UPF1: variants seen among roughly 807,000 people sequenced by gnomAD.
The protein encoded by UPF1 is regulator of nonsense transcripts 1.
In UPF1, 9 loss-of-function variants were observed where a neutral mutation model predicts 129.2. The observed-to-expected ratio is 0.07, with a 90% CI of 0.04 to 0.12. The LOEUF (loss-of-function observed/expected upper bound fraction) is 0.12, where lower values mean the gene tolerates loss of function less well. UPF1 is among the 10% of genes least tolerant of loss of function. The pLI is 1.00. For synonymous variants in UPF1, 649 were observed against 644.9 expected (o/e 1.01, Z -0.10); for missense variants, 788 against 1,525.3 (o/e 0.52, Z 8.05).
intron 1 of UPF1, among the ~76,000 whole-genome samples, chr19:18,835,135 C>G (rs2055470031): frequency 6.6e-6 from 1 of 152,184 alleles, no homozygotes; most frequent in African/African-American, 2.4e-5. Flanking sequence ...AACCACTCAC[C>G]TGCTTTCTGT....
At chr19:18,843,520 T>TTG (rs2055563758) in intron 1 of UPF1, among the ~76,000 whole-genome samples, 1 of 145,468 alleles carries the variant, frequency 6.9e-6, no homozygotes, top group Admixed American at 6.8e-5. Flanking sequence ...CTTTCTTTGT[T>TTG]TTTTTTTTTT....
At chr19:18,854,507 T>A in intron 8 of UPF1, 94 bp from the exon 9 acceptor site, 1 of 1,025,010 alleles carries the variant, frequency 9.8e-7, no homozygotes, top group Non-Finnish European at 1.5e-6. Flanking sequence ...AGTAACTAAA[T>A]TTTAAAAACG....
In UPF1 at chr19:18,850,917, G is replaced by T. The variant is rs1444734916; in HGVS notation, c.810+49G>T. On this transcript the variant is annotated intron_variant, in intron 5 of 23. Coordinates refer to ENST00000262803, the MANE Select transcript of UPF1 (RefSeq NM_002911.4). The surrounding 1 kb of genome is among the most constrained non-coding windows in gnomAD (Gnocchi z 7.1). The stretch of plus-strand genomic sequence containing the variant: ...CCGTGCCTTCGTGTGGTTTCTGGTT[G>T]CGGGGAGGGGAGTGTCTTCAGAGAC... 1.4e-6 allele frequency: 2 copies of T among 1,478,080 alleles called. No homozygotes were observed. Among genetic ancestry groups the T allele is most frequent in the South Asian group, 1.4e-5 (1 of 73,100 alleles). 91.6% of individuals were successfully genotyped at this position (1,478,080 alleles called of 1,614,324 possible).
Position 18,856,913 on chromosome 19 carries a change from G to A in UPF1, c.1861G>A (p.Gly621Ser). 6.2e-6 allele frequency: 10 copies of A among 1,612,174 alleles called. No homozygotes were observed. The highest frequency in any genetic ancestry group is 8.5e-6 in the Non-Finnish European group (10 of 1,179,970). Reference protein sequence around the residue: ...DVICCTCVGAGDPRLAKMQFR... With the variant: ...DVICCTCVGASDPRLAKMQFR... ...CATCTGCTGCACATGTGTGGGCGCC[G>A]GTGACCCGAGGCTGGCCAAGATGCA... Residue 621 changes from glycine (G) to serine (S), a missense_variant, in exon 14 of 24, where the codon GGT becomes AGT. Physicochemically the swap from Gly to Ser is moderately conservative, Grantham distance 56. Coordinates refer to ENST00000262803, the MANE Select transcript of UPF1 (RefSeq NM_002911.4).
Position 18,866,811 on chromosome 19 carries a change from A to C in UPF1, c.*294A>C, listed in dbSNP as rs563683327. 19 of 152,720 alleles carry C rather than the reference A, an allele frequency of 1.2e-4. No homozygotes were observed. Among genetic ancestry groups the C allele is most frequent in the African/African-American group, 4.1e-4 (17 of 41,582 alleles). 9.5% of individuals were successfully genotyped at this position (152,720 alleles called of 1,614,324 possible). ...GGCTGCGGCCAGGGCGGAGGGAGGA[A>C]GACCCTCATCTCAGAGTAGCCCTTT... On this transcript the variant is annotated 3_prime_UTR_variant, in exon 24 of 24. Transcript: ENST00000262803.
rs1446521418 is a variant in UPF1 at position 18,855,156 on chromosome 19, A to C, written c.1458A>C (p.Pro486=). 6.2e-7 allele frequency: 1 copy of C among 1,613,762 alleles called. No individual in the cohort carries two copies. The highest frequency in any genetic ancestry group is 1.3e-5 in the African/African-American group (1 of 74,936). Residue 486 remains proline, a synonymous_variant, in exon 11 of 24, where the codon CCA becomes CCC. Transcript: ENST00000262803. ...VYAVKTVLQR[P]LSLIQGPPGT... Reference sequence around the variant, plus strand: ...CCGTGAAGACTGTGCTGCAAAGACCACTGAGCCTGATCCAGGGCCCGCCAG... The same window carrying C: ...CCGTGAAGACTGTGCTGCAAAGACCCCTGAGCCTGATCCAGGGCCCGCCAG...
chr19:18,860,974 C>G lies in UPF1; in HGVS notation c.2449C>G (p.Leu817Val), dbSNP rs1210757396. 1 of 1,581,348 alleles carries G rather than the reference C, an allele frequency of 6.3e-7. No homozygotes were observed. Among genetic ancestry groups the G allele is most frequent in the African/African-American group, 1.3e-5 (1 of 74,232 alleles). ...MQFSGSLHTK[L>V]YQEVEIASVD... ...GTTCAGCGGCTCCCTGCACACCAAG[C>G]TCTACCAGGTGCGCTGCGCCCTCGG... The change falls in exon 17 of 24, where the codon CTC becomes GTC. Residue 817 changes from leucine to valine, a missense_variant. Physicochemically the swap from Leu to Val is conservative, Grantham distance 32. Transcript: ENST00000262803.
Position 18,831,964 on chromosome 19 carries a change from C to T in UPF1, c.-246C>T, listed in dbSNP as rs573187170. ...GCGACGGCGGCGGTGGCGGCAGTTC[C>T]TGCTCTAGGCTGCGAGCGGCTGGCG... On this transcript the variant is annotated 5_prime_UTR_variant, in exon 1 of 24. Coordinates refer to ENST00000262803, the MANE Select transcript of UPF1 (RefSeq NM_002911.4). The T allele has an allele frequency of 1.2e-5, 3 of 253,394 alleles. No individual in the cohort carries two copies. The highest frequency in any genetic ancestry group is 2.2e-5 in the Non-Finnish European group (3 of 133,814). The allele number at this position is 253,394 out of a possible 1,614,324, so 15.7% of individuals were successfully genotyped here.
chr19:18,842,462 A>T (rs1233745242), intron 1 of UPF1, among the ~76,000 whole-genome samples: 2 of 151,534 alleles, frequency 1.3e-5, no homozygotes, highest in African/African-American at 4.9e-5. Context: ...GTGCAGGGGG[A>T]TGTGATGGAG....
intron 18 of UPF1, chr19:18,863,207 T>C: frequency 4.0e-6 from 2 of 496,092 alleles, no homozygotes; most frequent in East Asian, 3.2e-5. Flanking sequence ...CAGCCAGGTG[T>C]CTGCCATGGG....
In UPF1 at chr19:18,850,094, G is replaced by T; in HGVS notation, c.481G>T (p.Val161Leu). 1 of 1,614,234 alleles carries T rather than the reference G, an allele frequency of 6.2e-7. No homozygotes were observed. Among genetic ancestry groups the T allele is most frequent in the Non-Finnish European group, 8.5e-7 (1 of 1,180,040 alleles). Residue 161 changes from valine (V) to leucine (L), a missense_variant, in exon 4 of 24, where the codon GTG becomes TTG. Physicochemically the swap from Val to Leu is conservative, Grantham distance 32. Around this residue, in one of 6 missense-constraint regions of UPF1, gnomAD observed 227 missense variants for 517.9 expected, o/e 0.44. Coordinates refer to ENST00000262803, the MANE Select transcript of UPF1 (RefSeq NM_002911.4). This position sits in a 1 kb window ranked among gnomAD's most constrained non-coding sequence, Gnocchi z 7.1. ...TTTCAGCCACATTGTAAATCACCTT[G>T]TGAGGGCAAAATGCAAAGAGGTGAC... ...TSGSHIVNHL[V>L]RAKCKEVTLH... is the part of the protein sequence containing the mutation.
intron 1 of UPF1, among the ~76,000 whole-genome samples, chr19:18,837,717 A>T (rs1324315212): frequency 6.6e-6 from 1 of 152,096 alleles, no homozygotes; most frequent in Non-Finnish European, 1.5e-5. Context: ...GCTGCTTGGT[A>T]CTGGTCCCAC....
At position 18,866,040 on chromosome 19, in the gene UPF1, T is replaced by G; in HGVS notation, c.3238-4T>G. 6.2e-7 allele frequency: 1 copy of G among 1,613,598 alleles called. No homozygotes were observed. Among genetic ancestry groups the G allele is most frequent in the Non-Finnish European group, 8.5e-7 (1 of 1,179,940 alleles). On this transcript the variant is annotated splice_polypyrimidine_tract_variant and splice_region_variant and intron_variant, in intron 22 of 23. Transcript: ENST00000262803. ...CTTGCTTACCTCCTGACCTTGTCTT[T>G]CAGGACAGTTACCTTGGTGACGAGT...
In UPF1 at chr19:18,850,184, G is replaced by T; in HGVS notation, c.571G>T (p.Val191Phe). The change falls in exon 4 of 24, where the codon GTC becomes TTC. Residue 191 changes from valine to phenylalanine, a missense_variant. Transcript: ENST00000262803. The surrounding 1 kb of genome is among the most constrained non-coding windows in gnomAD (Gnocchi z 7.1). The part of the protein sequence containing the change: ...LECYNCGCRN[V>F]FLLGFIPAKA... The stretch of plus-strand genomic sequence containing the variant: ...GTGCTACAACTGCGGCTGTCGCAAC[G>T]TCTTCCTCCTCGGCTTCATCCCGGC... 6.2e-7 allele frequency: 1 copy of T among 1,613,906 alleles called. No homozygotes were observed. Among genetic ancestry groups the T allele is most frequent in the Non-Finnish European group, 8.5e-7 (1 of 1,179,882 alleles).
Position 18,865,564 on chromosome 19 carries a change from G to C in UPF1, c.3023G>C (p.Arg1008Pro). The change falls in exon 22 of 24, where the codon CGA (arginine) becomes CCA (proline). Residue 1008 changes from arginine to proline, a missense_variant. Transcript: ENST00000262803. This position sits in a 1 kb window ranked among gnomAD's most constrained non-coding sequence, Gnocchi z 6.1. ...ACCCTGGACTGCTGTCTTTCAGGGCGAGGCACCCCGAAAGGCAAGACTGGT... is the reference window on the plus strand; with the variant it reads ...ACCCTGGACTGCTGTCTTTCAGGGCCAGGCACCCCGAAAGGCAAGACTGGT... ...FGQANGPAAG[R>P]GTPKGKTGRG... The C allele has an allele frequency of 6.2e-7, 1 of 1,613,904 alleles. No homozygotes were observed. Among genetic ancestry groups the C allele is most frequent in the Non-Finnish European group, 8.5e-7 (1 of 1,180,026 alleles).
In UPF1 at chr19:18,855,009, C is replaced by T; in HGVS notation, c.1396C>T (p.Gln466Ter). Residue 466 changes from glutamine (Q) to a stop codon, truncating the protein, a stop_gained, in exon 10 of 24, where the codon CAG (glutamine) becomes TAG (stop). Coordinates refer to ENST00000262803, the MANE Select transcript of UPF1 (RefSeq NM_002911.4). LOFTEE classifies it high-confidence loss of function. ...KCQLPKRFTA[Q>*]GLPDLNHSQV... The stretch of plus-strand genomic sequence containing the variant: ...CCAGCTGCCCAAGCGCTTCACGGCG[C>T]AGGGCCTCCCCGACCTCAACCACTC... The T allele has an allele frequency of 6.2e-7, 1 of 1,614,070 alleles. No homozygotes were observed. The highest frequency in any genetic ancestry group is 8.5e-7 in the Non-Finnish European group (1 of 1,180,042).
chr19:18,861,999 C>A lies in UPF1; in HGVS notation c.2458-11C>A. ...CTGCTGGCTGATAGTGACCACAAAG[C>A]TCCCTTCCAGGAGGTGGAGATCGCC... On this transcript the variant is annotated splice_polypyrimidine_tract_variant and intron_variant, in intron 17 of 23. Coordinates refer to ENST00000262803, the MANE Select transcript of UPF1 (RefSeq NM_002911.4). The A allele has an allele frequency of 6.2e-7, 1 of 1,613,608 alleles. No homozygotes were observed. Among genetic ancestry groups the A allele is most frequent in the South Asian group, 1.1e-5 (1 of 91,064 alleles).
Position 18,832,462 on chromosome 19 carries a change from C to A in UPF1, c.231+22C>A. The A allele has an allele frequency of 2.0e-6, 2 of 997,692 alleles. No individual in the cohort carries two copies. The highest frequency in any genetic ancestry group is 4.5e-5 in the South Asian group (1 of 22,100). 61.8% of individuals were successfully genotyped at this position (997,692 alleles called of 1,614,324 possible). Reference sequence around the variant, plus strand: ...GCAGGTGAGCGGCACATGGCGGTGCCGGAAGCCCGGGCCCGGCCTCGGCGC... The same window carrying A: ...GCAGGTGAGCGGCACATGGCGGTGCAGGAAGCCCGGGCCCGGCCTCGGCGC... On this transcript the variant is annotated intron_variant, in intron 1 of 23. Coordinates refer to ENST00000262803, the MANE Select transcript of UPF1 (RefSeq NM_002911.4). The surrounding 1 kb of genome is among the most constrained non-coding windows in gnomAD (Gnocchi z 5.6).
rs767062153 is a variant in UPF1, at chr19:18,852,184, A to G, written c.860A>G (p.Glu287Gly). 37 of 1,613,196 alleles carry G rather than the reference A, an allele frequency of 2.3e-5. No homozygotes were observed. ...GACCTGGAGAAGCCGGGGGTGGACG[A>G]GGAGCCGCAGCATGTCCTCCTGCGG... ...LEDLEKPGVDEEPQHVLLRYE... is the reference protein window; with the variant it reads ...LEDLEKPGVDGEPQHVLLRYE... The change falls in exon 6 of 24, where the codon GAG becomes GGG. Residue 287 changes from glutamate (E) to glycine (G), a missense_variant. Physicochemically the swap from Glu to Gly is moderately conservative, Grantham distance 98. Around this residue, in one of 6 missense-constraint regions of UPF1, gnomAD observed 227 missense variants for 517.9 expected, o/e 0.44. Coordinates refer to ENST00000262803, the MANE Select transcript of UPF1 (RefSeq NM_002911.4).
Sources: gnomAD v4.1 joint callset for allele counts (sites outside exome capture counted in the v4.1 genomes callset) on GRCh38, gnomAD v4.1.1 for gene constraint, gnomAD v4.1.1 regional missense constraint, Gnocchi (gnomAD v3.1) non-coding constraint, MANE v1.5 for transcripts, NCBI Gene and HGNC (gene_info 2026-07-23, HGNC 2026-07-21) for gene names.